CDK14: variants seen among roughly 807,000 people sequenced by gnomAD.
CDK14 encodes cyclin dependent kinase 14.
A neutral mutation model predicts 60.7 loss-of-function variants in CDK14; 34 were observed. The ratio of observed to expected loss-of-function variants is 0.56; its 90% CI spans 0.43 to 0.75. The LOEUF is 0.75. Among genes scored for constraint, CDK14 ranks in the 30% least tolerant of loss-of-function variants. CDK14 has a pLI of 0.00. For missense variants in CDK14, 482 were observed against 564.1 expected (o/e 0.85, Z 1.47); for synonymous variants, 197 against 203.7 (o/e 0.97, Z 0.28).
intron 4 of CDK14, among the ~76,000 whole-genome samples, chr7:90,755,864 T>C (rs1475441634): frequency 6.6e-6 from 1 of 152,180 alleles, no homozygotes; most frequent in Non-Finnish European, 1.5e-5. Context: ...AAATTTAGTG[T>C]CAATAACATG....
chr7:90,688,996 G>A (rs1304336699), intron 2 of CDK14, among the ~76,000 whole-genome samples: 1 of 152,124 alleles, frequency 6.6e-6, no homozygotes, highest in African/African-American at 2.4e-5. Context: ...AGAAAGAACA[G>A]TCCCTGGCCC....
intron 4 of CDK14, among the ~76,000 whole-genome samples, chr7:90,769,898 G>A (rs1461635631): frequency 6.6e-6 from 1 of 152,222 alleles, no homozygotes; most frequent in East Asian, 1.9e-4. Context: ...CTTCTGAAGT[G>A]TTTATTGAAG....
intron 14 of CDK14, among the ~76,000 whole-genome samples, chr7:91,156,114 A>G (rs758232800): frequency 6.6e-6 from 1 of 152,242 alleles, no homozygotes; most frequent in Non-Finnish European, 1.5e-5. Context: ...TTTCTAAGTA[A>G]CTTTGTCTGG....
At chr7:91,089,311 T>G (rs1359608554) in intron 12 of CDK14, among the ~76,000 whole-genome samples, 1 of 152,264 alleles carries the variant, frequency 6.6e-6, no homozygotes, top group East Asian at 1.9e-4. Context: ...GAAAACGGCA[T>G]GATAGGACTA....
At chr7:90,743,114 A>G (rs1584847123) in intron 3 of CDK14, among the ~76,000 whole-genome samples, 1 of 152,150 alleles carries the variant, frequency 6.6e-6, no homozygotes, top group African/African-American at 2.4e-5. Flanking sequence ...CTGATGTTAA[A>G]AAAGTTTCAG....
intron 8 of CDK14, among the ~76,000 whole-genome samples, chr7:90,938,870 G>T (rs760651196): frequency 6.6e-6 from 1 of 152,284 alleles, no homozygotes; most frequent in Middle Eastern, 3.4e-3. Context: ...TACAACATTT[G>T]ATGCATTGTC....
At chr7:90,598,212 T>G (rs1051062273) in intron 1 of CDK14, among the ~76,000 whole-genome samples, 5 of 152,374 alleles carry the variant, frequency 3.3e-5, no homozygotes, top group Non-Finnish European at 4.4e-5. Context: ...GTTAAATAAT[T>G]CATTGCAATT....
intron 5 of CDK14, among the ~76,000 whole-genome samples, chr7:90,825,407 G>A (rs1232321264): frequency 6.6e-6 from 1 of 152,138 alleles, no homozygotes; most frequent in African/African-American, 2.4e-5. Flanking sequence ...ATACTCATTT[G>A]CAAATCATTT....
At chr7:90,598,221 T>C (rs892880803) in intron 1 of CDK14, among the ~76,000 whole-genome samples, 17 of 152,228 alleles carry the variant, frequency 1.1e-4, no homozygotes, top group Non-Finnish European at 8.8e-5. Flanking sequence ...TTCATTGCAA[T>C]TGAGTCTCAG....
In CDK14 at chr7:91,025,089, C is replaced by T. The variant is rs76688629; in HGVS notation, c.1042-20808C>T. Among the ~76,000 whole-genome samples the T allele has an allele frequency of 7.1e-3, 1,078 of 152,088 alleles. 8 individuals are homozygous for T. Among genetic ancestry groups the T allele is most frequent in the African/African-American group, 0.024 (975 of 41,488 alleles). ...CAGGCATCAACTGAAATGAAGGAGG[C>T]CTTGTTAAGAAGTGGGAGGGTCTGT... On this transcript the variant is annotated intron_variant, in intron 10 of 14. Coordinates refer to ENST00000380050, the MANE Select transcript of CDK14 (RefSeq NM_001287135.2).
intron 12 of CDK14, among the ~76,000 whole-genome samples, chr7:91,105,055 A>G (rs1799247688): frequency 6.6e-6 from 1 of 152,238 alleles, no homozygotes; most frequent in Admixed American, 6.5e-5. Flanking sequence ...AAAGTCACCT[A>G]AAATGCTGGA....
intron 11 of CDK14, among the ~76,000 whole-genome samples, chr7:91,069,029 TCAGCCCCAAG>T (rs1798059704): frequency 1.3e-5 from 2 of 152,240 alleles, no homozygotes; most frequent in South Asian, 4.1e-4. Context: ...TGCTGTGTCT[TCAGCCCCAAG>T]AATTATATAC....
intron 9 of CDK14, chr7:90,979,551 T>G (rs1020795166): frequency 6.6e-6 from 1 of 152,180 alleles, no homozygotes; most frequent in African/African-American, 2.4e-5. Flanking sequence ...ACCATATAGA[T>G]CTACTAAACA....
At chr7:90,668,699 CTTTT>C (rs59773768) in intron 2 of CDK14, among the ~76,000 whole-genome samples, 1,922 of 86,842 alleles carry the variant, frequency 0.022, 6 homozygotes, top group Middle Eastern at 0.038. Flanking sequence ...GACTCGCATT[CTTTT>C]TTTTTTTTTT....
chr7:91,039,979 C>T (rs962599212), intron 10 of CDK14, among the ~76,000 whole-genome samples: 6 of 151,986 alleles, frequency 3.9e-5, no homozygotes, highest in Non-Finnish European at 7.4e-5. Flanking sequence ...CCCAGCTACT[C>T]GAGAGGCTGA....
At chr7:91,167,720 G>A (rs529103672) in intron 14 of CDK14, among the ~76,000 whole-genome samples, 6 of 152,136 alleles carry the variant, frequency 3.9e-5, no homozygotes, top group Non-Finnish European at 7.3e-5. Context: ...CCGTACAGCC[G>A]ACTGCCTACA....
intron 8 of CDK14, among the ~76,000 whole-genome samples, chr7:90,923,163 T>C (rs6465298): frequency 0.99 from 146,016 of 148,186 alleles, 71,978 homozygotes; most frequent in East Asian, 1. Flanking sequence ...GGCTGGAGTG[T>C]AGTGGCGCCA....
intron 2 of CDK14, among the ~76,000 whole-genome samples, chr7:90,683,571 C>A (rs2106130): frequency 6.6e-6 from 1 of 152,206 alleles, no homozygotes; most frequent in African/African-American, 2.4e-5. Context: ...GAGGCCAAGG[C>A]GGGCGGATCA....
At position 90,838,462 on chromosome 7, in the gene CDK14, G is replaced by T. The variant is rs536926356; in HGVS notation, c.545-24713G>T. On this transcript the variant is annotated intron_variant, in intron 5 of 14. Transcript: ENST00000380050. ...GGGAACAAGGAAAGATAACCATAAG[G>T]TCTGACTGCCTGCGGGGTCAGGCAG... Among the ~76,000 whole-genome samples the T allele has an allele frequency of 9.2e-5, 14 of 152,226 alleles. No homozygotes were observed. The South Asian group carries it at 2.7e-3, about 29-fold the overall frequency.
Sources: allele counts gnomAD v4.1 joint callset (sites outside exome capture counted in the v4.1 genomes callset), GRCh38; gene constraint gnomAD v4.1.1; transcripts MANE v1.5; gene names NCBI Gene and HGNC (gene_info 2026-07-23, HGNC 2026-07-21).